The following DGKB variants were observed in gnomAD, a reference collection of about 807,000 sequenced individuals.
The protein encoded by DGKB is diacylglycerol kinase beta.
In DGKB, 67 loss-of-function variants were observed where a neutral mutation model predicts 114.3. The observed-to-expected ratio is 0.59, with a 90% confidence interval of 0.48 to 0.72. DGKB has a LOEUF of 0.72. Among genes scored for constraint, DGKB ranks in the 30% least tolerant of loss-of-function variants. The probability of loss-of-function intolerance (pLI) is 0.00; values close to 1 mark genes in which losing one functional copy is unlikely to be tolerated. For missense variants in DGKB, 907 were observed against 975.2 expected (o/e 0.93, Z 0.93); for synonymous variants, 398 against 323.1 (o/e 1.23, Z -2.49).
chr7:14,440,726 T>C (rs1829968160), intron 21 of DGKB, among the ~76,000 whole-genome samples: 1 of 152,178 alleles, frequency 6.6e-6, no homozygotes. Flanking sequence ...ACAAGTATCC[T>C]TATACATACC....
chr7:14,165,378 C>T (rs1449792525), intron 25 of DGKB, among the ~76,000 whole-genome samples: 1 of 152,130 alleles, frequency 6.6e-6, no homozygotes, highest in East Asian at 1.9e-4. Context: ...GTCCTCTGTT[C>T]TGTGATTAGT....
At chr7:14,944,815 A>G (rs892852868) in intron 1 of DGKB, among the ~76,000 whole-genome samples, 2 of 34,930 alleles carry the variant, frequency 5.7e-5, no homozygotes, top group Non-Finnish European at 4.6e-5. Flanking sequence ...AGACTGATGG[A>G]AAAAAAATGA....
At chr7:14,193,332 G>A (rs1234976631) in intron 23 of DGKB, among the ~76,000 whole-genome samples, 3 of 152,000 alleles carry the variant, frequency 2.0e-5, no homozygotes, top group South Asian at 4.1e-4. Context: ...ACAACATGGC[G>A]CTGGCACAGA....
rs576458124 is a variant in DGKB at position 14,785,048 on chromosome 7, T to C, written c.71-27317A>G. Among the ~76,000 whole-genome samples the C allele has an allele frequency of 2.1e-3, 320 of 152,240 alleles. 1 individual carries two copies. The highest frequency in any genetic ancestry group is 3.7e-3 in the Non-Finnish European group (249 of 68,010). On this transcript the variant is annotated intron_variant, in intron 2 of 25. Transcript: ENST00000402815. The stretch of plus-strand genomic sequence containing the variant: ...ATCTCTGTCAACTGTGAGATGGAGG[T>C]CACAACGTGCTTTCTATAAAGAAAG...
At chr7:14,393,050 A>G (rs2007110) in intron 21 of DGKB, among the ~76,000 whole-genome samples, 141,116 of 141,214 alleles carry the variant, frequency 1, 70,512 homozygotes, top group Middle Eastern at 1. Flanking sequence ...GTGCAGTGGC[A>G]CGATCTCGGC....
intron 1 of DGKB, among the ~76,000 whole-genome samples, chr7:14,846,716 AGTCAGTGGATGT>A (rs1416256077): frequency 2.6e-5 from 4 of 152,192 alleles, no homozygotes; most frequent in Non-Finnish European, 5.9e-5. Flanking sequence ...TTTCTCTTCT[AGTCAGTGGATGT>A]GCCACTTTGC....
At chr7:14,632,838 G>A (rs763423907) in intron 13 of DGKB, among the ~76,000 whole-genome samples, 2 of 151,828 alleles carry the variant, frequency 1.3e-5, no homozygotes, top group African/African-American at 4.8e-5. Context: ...TTAGAAAAAA[G>A]CAATATTTCA....
At chr7:14,259,674 C>A (rs1366358249) in intron 23 of DGKB, among the ~76,000 whole-genome samples, 1 of 152,160 alleles carries the variant, frequency 6.6e-6, no homozygotes, top group Non-Finnish European at 1.5e-5. Flanking sequence ...GATCCACCCA[C>A]CTCAGCCTCC....
chr7:14,293,437 C>A (rs2128475373), intron 23 of DGKB, among the ~76,000 whole-genome samples: 1 of 152,182 alleles, frequency 6.6e-6, no homozygotes, highest in South Asian at 2.1e-4. Flanking sequence ...AAAATAGGAA[C>A]TAACATACCT....
At chr7:14,463,870 G>C (rs1044623681) in intron 21 of DGKB, among the ~76,000 whole-genome samples, 1 of 152,084 alleles carries the variant, frequency 6.6e-6, no homozygotes, top group African/African-American at 2.4e-5. Context: ...CAGCCTTTAA[G>C]AAATATAAAT....
At chr7:14,758,932 G>GATAC (rs1177869547) in intron 2 of DGKB, among the ~76,000 whole-genome samples, 2 of 141,996 alleles carry the variant, frequency 1.4e-5, no homozygotes, top group Non-Finnish European at 3.1e-5. Context: ...TAGATAGATA[G>GATAC]ATACATAGAT....
At chr7:14,322,393 A>T (rs1437272294) in intron 23 of DGKB, among the ~76,000 whole-genome samples, 2 of 152,214 alleles carry the variant, frequency 1.3e-5, no homozygotes, top group African/African-American at 4.8e-5. Flanking sequence ...TAGTGGGTGT[A>T]GGAGTCTTTT....
chr7:14,558,291 T>A (rs1796160597), intron 20 of DGKB, among the ~76,000 whole-genome samples: 1 of 151,928 alleles, frequency 6.6e-6, no homozygotes, highest in Non-Finnish European at 1.5e-5. Flanking sequence ...CTATAAATAT[T>A]AAATTCTTTT....
At chr7:14,355,330 G>T (rs555216836) in intron 21 of DGKB, among the ~76,000 whole-genome samples, 2 of 152,202 alleles carry the variant, frequency 1.3e-5, no homozygotes, top group African/African-American at 4.8e-5. Flanking sequence ...TAGGAGTGGT[G>T]AGAGAAGGCA....
At position 14,718,673 on chromosome 7, in the gene DGKB, T is replaced by C. The variant is rs906380669; in HGVS notation, c.335A>G (p.Asn112Ser). Residue 112 changes from asparagine (N) to serine (S), a missense_variant, in exon 6 of 26, where the codon AAT becomes AGT. Asn to Ser is a conservative substitution (Grantham distance 46, BLOSUM62 1). Coordinates refer to ENST00000402815, the MANE Select transcript of DGKB (RefSeq NM_001350709.2). The stretch of plus-strand genomic sequence containing the variant: ...CCGGGGAGGGGTGATGGCACCTTTA[T>C]TCATTCTCAGACCTGGAAAAAAAAT... ...PALLSGGLRM[N>S]KGAITPPRTT... The C allele has an allele frequency of 1.2e-6, 2 of 1,608,388 alleles. No homozygotes were observed. The highest frequency in any genetic ancestry group is 1.3e-5 in the African/African-American group (1 of 74,698).
chr7:14,366,469 A>G (rs1256223498), intron 21 of DGKB, among the ~76,000 whole-genome samples: 1 of 152,168 alleles, frequency 6.6e-6, no homozygotes, highest in African/African-American at 2.4e-5. Flanking sequence ...ACATTGCTGT[A>G]TCCTGAATGT....
At chr7:14,579,773 C>T (rs73680435) in intron 19 of DGKB, among the ~76,000 whole-genome samples, 510 of 151,998 alleles carry the variant, frequency 3.4e-3, no homozygotes, top group African/African-American at 0.011. Context: ...ATCAGAGTTA[C>T]TTAGGGAGTT....
At chr7:14,515,847 T>C (rs916050163) in intron 20 of DGKB, among the ~76,000 whole-genome samples, 1 of 152,174 alleles carries the variant, frequency 6.6e-6, no homozygotes, top group South Asian at 2.1e-4. Flanking sequence ...AAGAGTTAGA[T>C]TTTATTTATT....
intron 1 of DGKB, among the ~76,000 whole-genome samples, chr7:14,958,477 C>CACACACACACT (rs1562903995): frequency 4.7e-5 from 4 of 84,754 alleles, no homozygotes; most frequent in Non-Finnish European, 9.7e-5. Context: ...ACACACACAC[C>CACACACACACT]CCGTCCAGGA....
Sources: gnomAD v4.1 joint callset for allele counts (sites outside exome capture counted in the v4.1 genomes callset) on GRCh38, gnomAD v4.1.1 for gene constraint, MANE v1.5 for transcripts, NCBI Gene and HGNC (gene_info 2026-07-23, HGNC 2026-07-21) for gene names.